The following SLIT3 variants were observed in gnomAD, a reference collection of about 807,000 sequenced individuals.
The protein encoded by SLIT3 is slit homolog 3 protein.
Under a neutral mutation model 184.0 loss-of-function variants are expected in SLIT3, and 68 were observed. The ratio of observed to expected loss-of-function variants is 0.37; its 90% confidence interval spans 0.30 to 0.45. The LOEUF (loss-of-function observed/expected upper bound fraction) is 0.45, where lower values mean the gene tolerates loss of function less well. Ranked by LOEUF, SLIT3 falls within the 20% of genes least tolerant of loss-of-function variation. The pLI is 1.00. For missense variants in SLIT3, 1,707 were observed against 2,026.0 expected (o/e 0.84, Z 3.02); for synonymous variants, 831 against 828.6 (o/e 1.00, Z -0.05).
intron 4 of SLIT3, among the ~76,000 whole-genome samples, chr5:169,074,940 TCA>T (rs1758683360): frequency 6.6e-6 from 1 of 152,176 alleles, no homozygotes; most frequent in Admixed American, 6.5e-5. Context: ...TCTGGAAATG[TCA>T]CCGCTGACCT....
intron 4 of SLIT3, among the ~76,000 whole-genome samples, chr5:168,901,467 A>C (rs1487703031): frequency 4.6e-5 from 7 of 152,210 alleles, no homozygotes; most frequent in Admixed American, 4.6e-4. Context: ...CCAACAACCC[A>C]GTCAGTCCTC....
chr5:169,010,887 C>A (rs572450186), intron 4 of SLIT3, among the ~76,000 whole-genome samples: 4 of 144,768 alleles, frequency 2.8e-5, no homozygotes, highest in Non-Finnish European at 6.0e-5. Flanking sequence ...CCAGCCTGGG[C>A]GACAGAGTGA....
At chr5:169,158,005 A>G (rs932131799) in intron 4 of SLIT3, among the ~76,000 whole-genome samples, 1 of 152,064 alleles carries the variant, frequency 6.6e-6, no homozygotes, top group African/African-American at 2.4e-5. Flanking sequence ...AAACACTTGT[A>G]TAATCAGATA....
chr5:169,044,987 C>T (rs1044133399), intron 4 of SLIT3, among the ~76,000 whole-genome samples: 10 of 152,170 alleles, frequency 6.6e-5, no homozygotes, highest in Admixed American at 2.6e-4. Flanking sequence ...CTGTCCATCA[C>T]GGGATGAGAA....
In SLIT3 at chr5:168,836,027, G is replaced by A. The variant is rs145669949; in HGVS notation, c.557+8557C>T. 2.0e-3 allele frequency among the ~76,000 whole-genome samples: 301 copies of A among 152,258 alleles called. 6 individuals are homozygous for A. The East Asian group carries it at 0.039, about 20-fold the overall frequency. On this transcript the variant is annotated intron_variant, in intron 6 of 35. Transcript: ENST00000519560. ...AGGGAAAAGTAGCAATGTTGATCCTGTTCTTCCCAGCCTTGTGTCTCCATC... is the reference window on the plus strand; with the variant it reads ...AGGGAAAAGTAGCAATGTTGATCCTATTCTTCCCAGCCTTGTGTCTCCATC...
At chr5:168,756,818 T>C (rs1263940039) in intron 16 of SLIT3, among the ~76,000 whole-genome samples, 8 of 152,162 alleles carry the variant, frequency 5.3e-5, no homozygotes, top group African/African-American at 1.9e-4. Flanking sequence ...ATACAAGTGA[T>C]GGGCAATGCA....
chr5:169,287,400 TC>T (rs150655448), intron 1 of SLIT3, among the ~76,000 whole-genome samples: 9,045 of 152,214 alleles, frequency 0.059, 485 homozygotes, highest in Admixed American at 0.17. Context: ...CTAGATGTGG[TC>T]CCTCTTCTGT....
rs558758311 is a variant in SLIT3, at chr5:169,123,376, A to G, written c.413+70103T>C. ...TACACATGGGTAACTCATTTCAAGA[A>G]GGAATGAGATGATGTTGAATATGAA... On this transcript the variant is annotated intron_variant, in intron 4 of 35. Transcript: ENST00000519560. 5.9e-5 allele frequency among the ~76,000 whole-genome samples: 9 copies of G among 152,320 alleles called. No homozygotes were observed. The South Asian group carries it at 1.9e-3, about 32-fold the overall frequency.
intron 20 of SLIT3, among the ~76,000 whole-genome samples, chr5:168,726,418 GAGGCAGGGAGGA>G (rs1419731057): frequency 1.7e-5 from 1 of 60,062 alleles, no homozygotes; most frequent in African/African-American, 6.6e-5. Context: ...GAGGCAGAGG[GAGGCAGGGAGGA>G]AGAGGGAGGC....
At position 168,681,010 on chromosome 5, in the gene SLIT3, G is replaced by A. The variant is rs958211271; in HGVS notation, c.3686+2956C>T. Reference sequence around the variant, plus strand: ...TTCCAGAAAAAAACAAAAATTAGACGTTGTGATGCACACCTGCAGTCCCAG... The same window carrying A: ...TTCCAGAAAAAAACAAAAATTAGACATTGTGATGCACACCTGCAGTCCCAG... On this transcript the variant is annotated intron_variant, in intron 32 of 35. Transcript: ENST00000519560. Among the ~76,000 whole-genome samples, 93 of 152,090 alleles carry A rather than the reference G, an allele frequency of 6.1e-4. 1 individual carries two copies. The highest frequency in any genetic ancestry group is 5.9e-3 in the Admixed American group (90 of 15,258).
rs907811900 is a variant in SLIT3, at chr5:169,002,534, G to A, written c.414-119198C>T. 2.6e-5 allele frequency among the ~76,000 whole-genome samples: 4 copies of A among 152,126 alleles called. No individual in the cohort carries two copies. The East Asian group carries it at 7.7e-4, about 29-fold the overall frequency. On this transcript the variant is annotated intron_variant, in intron 4 of 35. Transcript: ENST00000519560. Reference sequence around the variant, plus strand: ...CCCAGTTAGAGAGTGTGGACAGAATGTGATGGCCACAGGGAGCCATTGTGT... The same window carrying A: ...CCCAGTTAGAGAGTGTGGACAGAATATGATGGCCACAGGGAGCCATTGTGT...
At chr5:168,775,621 G>A (rs923376740) in intron 12 of SLIT3, among the ~76,000 whole-genome samples, 9 of 152,234 alleles carry the variant, frequency 5.9e-5, no homozygotes, top group Non-Finnish European at 1.3e-4. Flanking sequence ...GCTCTATAAT[G>A]GCACCAATGA....
At chr5:169,148,932 A>C (rs757734222) in intron 4 of SLIT3, among the ~76,000 whole-genome samples, 1 of 152,166 alleles carries the variant, frequency 6.6e-6, no homozygotes, top group Non-Finnish European at 1.5e-5. Context: ...ACCTTATCCC[A>C]GACGCTGTGC....
chr5:168,927,174 T>C (rs1761855475), intron 4 of SLIT3, among the ~76,000 whole-genome samples: 1 of 152,182 alleles, frequency 6.6e-6, no homozygotes, highest in Non-Finnish European at 1.5e-5. Context: ...TAATGAGATA[T>C]TACTCAGCCT....
At chr5:168,795,991 T>C (rs1561937656) in intron 9 of SLIT3, among the ~76,000 whole-genome samples, 1 of 152,196 alleles carries the variant, frequency 6.6e-6, no homozygotes. Flanking sequence ...CATGGAACCA[T>C]GTCACTACTC....
chr5:168,910,859 T>TA (rs1761230034), intron 4 of SLIT3, among the ~76,000 whole-genome samples: 1 of 152,214 alleles, frequency 6.6e-6, no homozygotes, highest in Non-Finnish European at 1.5e-5. Context: ...AGAACCTCTT[T>TA]TAAAACACAG....
chr5:168,784,355 C>T (rs1363631810), intron 12 of SLIT3, among the ~76,000 whole-genome samples: 1 of 152,192 alleles, frequency 6.6e-6, no homozygotes, highest in Non-Finnish European at 1.5e-5. Flanking sequence ...CCACCAAAGG[C>T]TGGGACCGTT....
At chr5:168,962,718 C>T (rs758706200) in intron 4 of SLIT3, among the ~76,000 whole-genome samples, 1 of 152,210 alleles carries the variant, frequency 6.6e-6, no homozygotes, top group African/African-American at 2.4e-5. Context: ...CCCACACATC[C>T]CACTTCATGG....
At chr5:169,204,548 G>C (rs907110934) in intron 3 of SLIT3, among the ~76,000 whole-genome samples, 8 of 152,152 alleles carry the variant, frequency 5.3e-5, no homozygotes, top group African/African-American at 1.9e-4. Flanking sequence ...AGGGGAGAGA[G>C]GAGAAAAATT....
Sources: gnomAD v4.1 joint callset for allele counts (sites outside exome capture counted in the v4.1 genomes callset) on GRCh38, gnomAD v4.1.1 for gene constraint, MANE v1.5 for transcripts, NCBI Gene and HGNC (gene_info 2026-07-23, HGNC 2026-07-21) for gene names.